Variants in JAKMIP3 observed in about 807,000 individuals in gnomAD.
JAKMIP3 encodes janus kinase and microtubule-interacting protein 3.
JAKMIP3 carries 58 observed loss-of-function variants against 118.5 expected under a neutral mutation model. The ratio of observed to expected loss-of-function variants is 0.49; its 90% CI spans 0.40 to 0.61. JAKMIP3 has a LOEUF of 0.61. Ranked by LOEUF, JAKMIP3 falls within the 20% of genes least tolerant of loss-of-function variation. The pLI is 0.00. For missense variants in JAKMIP3, 950 were observed against 1,109.0 expected (o/e 0.86, Z 2.04); for synonymous variants, 486 against 451.2 (o/e 1.08, Z -0.98).
At chr10:132,100,181 C>A (rs1262164308) in intron 1 of JAKMIP3, among the ~76,000 whole-genome samples, 1 of 152,174 alleles carries the variant, frequency 6.6e-6, no homozygotes, top group East Asian at 1.9e-4. Flanking sequence ...CACGGACCCC[C>A]CGCACAGACC....
At chr10:132,074,026 C>G (rs1343048678) in intron 1 of JAKMIP3, among the ~76,000 whole-genome samples, 1 of 152,168 alleles carries the variant, frequency 6.6e-6, no homozygotes, top group Admixed American at 6.5e-5. Context: ...TGCATCCTCA[C>G]CAACATCTGC....
rs2060816153 is a variant in JAKMIP3 at position 132,180,586 on chromosome 10, CGTGTGTGTGTGCGTGCGCGT to C, written c.*1104-1761_*1104-1742del. 4.1e-4 allele frequency among the ~76,000 whole-genome samples: 4 copies of C among 9,772 alleles called. 2 individuals are homozygous for C. Among genetic ancestry groups the C allele is most frequent in the Non-Finnish European group, 7.3e-4 (4 of 5,470 alleles). 6.4% of individuals were successfully genotyped at this position (9,772 alleles called of 152,430 possible). A position where few individuals can be genotyped will look rare whatever the true frequency, so the allele number is the denominator to read the frequency against. ...GTGTGTGCGTGTGTGTGTGCGTGCG[CGTGTGTGTGTGCGTGCGCGT>C]GTGTGTGTGCGTGTGTGTGCGTGTG... On this transcript the variant is annotated intron_variant, in intron 23 of 23. Coordinates refer to ENST00000684848, the MANE Select transcript of JAKMIP3 (RefSeq NM_001323087.2).
chr10:132,153,905 T>C lies in JAKMIP3; in HGVS notation c.2143-8T>C, dbSNP rs746305274. The C allele has an allele frequency of 6.8e-6, 11 of 1,612,604 alleles. No homozygotes were observed. The South Asian group carries it at 1.1e-4, about 16-fold the overall frequency. The stretch of plus-strand genomic sequence containing the variant: ...CCGAGACCGAGGCATGGCCCTCCTG[T>C]GTTTCAGGAGCTGTTCAGTAAGCAG... On this transcript the variant is annotated splice_polypyrimidine_tract_variant and splice_region_variant and intron_variant, in intron 18 of 23. Coordinates refer to ENST00000684848, the MANE Select transcript of JAKMIP3 (RefSeq NM_001323087.2).
rs1472751798 is a variant in JAKMIP3, at chr10:132,183,911, T to C, written c.*2658T>C. ...TTTCTAAATTGCAGGCTATACCTTC[T>C]TTTCCAAACCAATGGGCTAGAGTGA... On this transcript the variant is annotated 3_prime_UTR_variant, in exon 24 of 24. Transcript: ENST00000684848. 1.3e-5 allele frequency: 2 copies of C among 152,246 alleles called. No individual in the cohort carries two copies. Among genetic ancestry groups the C allele is most frequent in the African/African-American group, 4.8e-5 (2 of 41,456 alleles). The allele number at this position is 152,246 out of a possible 1,614,324, so 9.4% of individuals were successfully genotyped here. A position where few individuals can be genotyped will look rare whatever the true frequency, so the allele number is the denominator to read the frequency against.
Position 132,044,477 on chromosome 10 carries a change from A to G in JAKMIP3, c.-138+7739A>G, listed in dbSNP as rs1314064284. ...GGAAGGTCAGGGAAGGCTGCTTGGG[A>G]AAACAGTTATGGCTGGTGCAGAGGA... On this transcript the variant is annotated intron_variant, in intron 1 of 23. Transcript: ENST00000657785. This position sits in a 1 kb window ranked among gnomAD's most constrained non-coding sequence, Gnocchi z 5.3. Among the ~76,000 whole-genome samples, 2 of 152,048 alleles carry G rather than the reference A, an allele frequency of 1.3e-5. No individual in the cohort carries two copies. The highest frequency in any genetic ancestry group is 4.8e-5 in the African/African-American group (2 of 41,422).
At chr10:132,064,368 C>T (rs117587853), upstream of JAKMIP3, among the ~76,000 whole-genome samples, 1,415 of 152,282 alleles carry the variant, frequency 9.3e-3, 9 homozygotes, top group Middle Eastern at 0.014. The surrounding 1 kb of genome is among the most constrained non-coding windows in gnomAD (Gnocchi z 4.4). Context: ...GCACTGCCCT[C>T]GTCAGGAAGG....
At chr10:132,119,397 G>A (rs187095210) in intron 3 of JAKMIP3, among the ~76,000 whole-genome samples, 16 of 152,174 alleles carry the variant, frequency 1.1e-4, no homozygotes, top group Admixed American at 4.6e-4. Context: ...GAAATCTTTC[G>A]ATCCCAGAGT....
At chr10:132,079,781 TTC>T (rs2041481318) in intron 1 of JAKMIP3, among the ~76,000 whole-genome samples, 5 of 152,250 alleles carry the variant, frequency 3.3e-5, no homozygotes, top group Admixed American at 2.6e-4. Context: ...ACCTTCCATT[TTC>T]TGTTTCTATG....
chr10:132,111,119 TC>T (rs1343762513), intron 2 of JAKMIP3, among the ~76,000 whole-genome samples: 3 of 152,124 alleles, frequency 2.0e-5, no homozygotes, highest in African/African-American at 7.2e-5. Context: ...GCCCGGAAAG[TC>T]CTACAAGATC....
In JAKMIP3 at chr10:132,163,307, C is replaced by G. The variant is rs189739205; in HGVS notation, c.2319C>G (p.Leu773=). The part of the protein sequence containing the change: ...ELLSEEEREK[L]KVAVEQWKRQ... ...TGTCAGAGGAGGAGCGCGAGAAGCT[C>G]AAGGTGGCCGTGGAGCAGTGGAAGC... The change falls in exon 20 of 24, where the codon CTC becomes CTG. Residue 773 remains leucine, a synonymous_variant. Transcript: ENST00000684848. 5 of 1,607,818 alleles carry G rather than the reference C, an allele frequency of 3.1e-6. No homozygotes were observed. In the East Asian group the frequency reaches 8.9e-5, roughly 29 times the overall value.
chr10:132,164,628 G>C, intron 20 of JAKMIP3, 42 bp from the exon 21 acceptor site: 1 of 1,307,678 alleles, frequency 7.6e-7, no homozygotes, highest in East Asian at 2.3e-5. Flanking sequence ...GGTTTCCCGA[G>C]TACTGTGACT....
chr10:132,164,606 T>C (rs374790140), intron 20 of JAKMIP3, 64 bp from the exon 21 acceptor site: 4 of 1,069,648 alleles, frequency 3.7e-6, no homozygotes, highest in East Asian at 4.8e-5. Context: ...AATGAAAATC[T>C]TGAAGGATTT....
chr10:132,112,490 A>G lies in JAKMIP3; in HGVS notation c.136-4587A>G, dbSNP rs997546512. 7.2e-5 allele frequency among the ~76,000 whole-genome samples: 11 copies of G among 152,182 alleles called. No individual in the cohort carries two copies. The highest frequency in any genetic ancestry group is 1.9e-4 in the African/African-American group (8 of 41,520). On this transcript the variant is annotated intron_variant, in intron 2 of 23. Coordinates refer to ENST00000684848, the MANE Select transcript of JAKMIP3 (RefSeq NM_001323087.2). The surrounding 1 kb of genome is among the most constrained non-coding windows in gnomAD (Gnocchi z 4.3). ...TTCTTTCGGGCTGTTAGGTTTTAAGAAGGGTCTCTTTTCCTGGTTCCTTAT... is the reference window on the plus strand; with the variant it reads ...TTCTTTCGGGCTGTTAGGTTTTAAGGAGGGTCTCTTTTCCTGGTTCCTTAT...
intron 1 of JAKMIP3, among the ~76,000 whole-genome samples, chr10:132,080,184 T>G (rs1232448008): frequency 6.6e-6 from 1 of 152,156 alleles, no homozygotes; most frequent in African/African-American, 2.4e-5. Flanking sequence ...CTCAAAAAGA[T>G]TTCTTTTGAG....
At chr10:132,078,619 CGGGGGG>C (rs10568086) in intron 1 of JAKMIP3, among the ~76,000 whole-genome samples, 60 of 134,020 alleles carry the variant, frequency 4.5e-4, no homozygotes, top group African/African-American at 1.2e-3. Flanking sequence ...TCTCTGGGGG[CGGGGGG>C]GGGGGGGGGT....
At position 132,045,439 on chromosome 10, in the gene JAKMIP3, A is replaced by G. The variant is rs562388415; in HGVS notation, c.-138+8701A>G. On this transcript the variant is annotated intron_variant, in intron 1 of 23. Coordinates refer to the JAKMIP3 transcript ENST00000657785. ...ATCACCCTCTACCCGCACCTGGCAC[A>G]GGTGGGTGCTCAGGAGAGGCAGCTT... Among the ~76,000 whole-genome samples the G allele has an allele frequency of 1.1e-4, 16 of 152,262 alleles. No individual in the cohort carries two copies. The South Asian group carries it at 3.3e-3, about 32-fold the overall frequency.
intron 1 of JAKMIP3, among the ~76,000 whole-genome samples, chr10:132,074,689 C>T (rs370514452): frequency 6.6e-6 from 1 of 152,094 alleles, no homozygotes; most frequent in Non-Finnish European, 1.5e-5. Context: ...AGTTTAAGTC[C>T]CATTTGTCTA....
chr10:132,145,178 G>T lies in JAKMIP3; in HGVS notation c.1674G>T (p.Ala558=), dbSNP rs761633309. 6.2e-7 allele frequency: 1 copy of T among 1,608,896 alleles called. No homozygotes were observed. Among genetic ancestry groups the T allele is most frequent in the East Asian group, 2.2e-5 (1 of 44,664 alleles). The change falls in exon 12 of 24, where the codon GCG becomes GCT. Residue 558 remains alanine (A), a synonymous_variant. Transcript: ENST00000684848. The part of the protein sequence containing the change: ...ARIEDLEKAL[A]EQGQDMKWIE... Reference sequence around the variant, plus strand: ...TAGAGGACCTGGAGAAGGCCCTGGCGGAGCAGGGGCAGGTGAGCCTGCAGC... The same window carrying T: ...TAGAGGACCTGGAGAAGGCCCTGGCTGAGCAGGGGCAGGTGAGCCTGCAGC...
At chr10:132,181,046 T>C (rs1197336491) in intron 23 of JAKMIP3, among the ~76,000 whole-genome samples, 2 of 151,996 alleles carry the variant, frequency 1.3e-5, no homozygotes, top group South Asian at 2.1e-4. Context: ...TGTGCAGGTA[T>C]GTGTATTGTG....
Sources: allele counts gnomAD v4.1 joint callset (sites outside exome capture counted in the v4.1 genomes callset), GRCh38; gene constraint gnomAD v4.1.1; non-coding constraint Gnocchi (gnomAD v3.1); transcripts MANE v1.5; gene names NCBI Gene and HGNC (gene_info 2026-07-23, HGNC 2026-07-21).